Variants in SHANK2 observed in about 807,000 individuals in gnomAD.
The protein encoded by SHANK2 is SH3 and multiple ankyrin repeat domains 2.
SHANK2 carries 43 observed loss-of-function variants against 133.7 expected under a neutral mutation model. The observed-to-expected ratio is 0.32, with a 90% CI of 0.25 to 0.41. The LOEUF is 0.41. SHANK2 is among the 10% of genes least tolerant of loss of function. The pLI, the probability that SHANK2 is intolerant of heterozygous loss-of-function variation, is 1.00. For synonymous variants in SHANK2, 1,017 were observed against 952.8 expected, an observed-to-expected ratio of 1.07 and a Z score of -1.24; for missense variants, 1,994 against 2,235.8, an observed-to-expected ratio of 0.89 and a Z score of 2.18.
chr11:70,511,945 T>C (rs557433126), intron 17 of SHANK2, among the ~76,000 whole-genome samples: 4 of 152,374 alleles, frequency 2.6e-5, no homozygotes, highest in Non-Finnish European at 5.9e-5. Context: ...AGGATTGTCA[T>C]GATGAAACCC....
intron 1 of SHANK2, among the ~76,000 whole-genome samples, chr11:71,236,860 C>T (rs768859980): frequency 1.8e-4 from 28 of 152,216 alleles, no homozygotes; most frequent in Non-Finnish European, 3.5e-4. Context: ...GAGACTCCAT[C>T]TCAAAACAAA....
intron 11 of SHANK2, among the ~76,000 whole-genome samples, chr11:70,876,241 TAG>T (rs1491081554): frequency 0.025 from 374 of 14,868 alleles, 1 homozygote; most frequent in African/African-American, 0.036. Context: ...CACACACATA[TAG>T]ACACACACAC....
chr11:70,526,969 C>A (rs113863724), intron 17 of SHANK2, among the ~76,000 whole-genome samples: 1 of 121,788 alleles, frequency 8.2e-6, no homozygotes, highest in African/African-American at 2.8e-5. Flanking sequence ...CCAACCGCCC[C>A]GCCCAGGTCA....
chr11:70,733,207 A>G (rs1271919434), intron 14 of SHANK2, among the ~76,000 whole-genome samples: 3 of 152,084 alleles, frequency 2.0e-5, no homozygotes, highest in Non-Finnish European at 4.4e-5. Flanking sequence ...GTTTTGCAGG[A>G]TGAGTAGGAG....
Position 71,092,538 on chromosome 11 carries a change from T to A in SHANK2, c.796A>T (p.Thr266Ser), listed in dbSNP as rs1313128451. ...SPDYKDSYGL[T>S]PLYHTAIVGG... ...ACGATGGCTGTGTGATACAGCGGGG[T>A]GAGGCCGTAACTGTCTTTATAATCT... is the stretch of plus-strand genomic sequence containing the variant. Residue 266 changes from threonine to serine, a missense_variant, in exon 8 of 26, where the codon ACC (threonine) becomes TCC (serine). By Grantham distance (58) the Thr-to-Ser change is moderately conservative. Around this residue, in one of 5 missense-constraint regions of SHANK2, gnomAD observed 653 missense variants for 563.4 expected, o/e 1.16. Transcript: ENST00000601538. 2 of 1,551,304 alleles carry A rather than the reference T, an allele frequency of 1.3e-6. No individual in the cohort carries two copies. The highest frequency in any genetic ancestry group is 1.7e-6 in the Non-Finnish European group (2 of 1,146,966).
intron 14 of SHANK2, among the ~76,000 whole-genome samples, chr11:70,717,514 G>T (rs1555027635): frequency 2.6e-5 from 4 of 152,140 alleles, no homozygotes. Context: ...CAGCAAGCAG[G>T]ACACAGTCCC....
chr11:71,220,171 C>T (rs981716065), intron 2 of SHANK2, among the ~76,000 whole-genome samples: 5 of 152,182 alleles, frequency 3.3e-5, no homozygotes, highest in African/African-American at 1.2e-4. Flanking sequence ...GGGAGGCCGA[C>T]GCTGCAGTAA....
intron 2 of SHANK2, among the ~76,000 whole-genome samples, chr11:71,161,565 T>G (rs1159666286): frequency 6.6e-6 from 1 of 152,144 alleles, no homozygotes; most frequent in African/African-American, 2.4e-5. Context: ...ACCCAGACAT[T>G]CCTTTCTATT....
At chr11:70,799,713 C>T (rs1018582003) in intron 13 of SHANK2, among the ~76,000 whole-genome samples, 18 of 152,224 alleles carry the variant, frequency 1.2e-4, no homozygotes, top group Admixed American at 6.5e-4. Flanking sequence ...GGGGACCACG[C>T]ACATCACTGG....
intron 17 of SHANK2, among the ~76,000 whole-genome samples, chr11:70,593,075 G>T (rs1447108340): frequency 6.6e-6 from 1 of 152,312 alleles, no homozygotes; most frequent in African/African-American, 2.4e-5. Context: ...CCCATAGTTC[G>T]GGGAAGGCCT....
chr11:70,863,521 T>C (rs782273428), intron 11 of SHANK2: 1 of 457,944 alleles, frequency 2.2e-6, no homozygotes, highest in South Asian at 1.5e-5. Context: ...GCCCACCTGC[T>C]CCCATGCAAA....
At chr11:70,561,251 T>C (rs2059905438) in intron 17 of SHANK2, among the ~76,000 whole-genome samples, 1 of 152,064 alleles carries the variant, frequency 6.6e-6, no homozygotes, top group Non-Finnish European at 1.5e-5. Flanking sequence ...CCTCTGAGGC[T>C]CAATCAATCT....
chr11:71,163,989 G>A (rs1953085467), intron 2 of SHANK2, among the ~76,000 whole-genome samples: 1 of 152,192 alleles, frequency 6.6e-6, no homozygotes, highest in Non-Finnish European at 1.5e-5. Flanking sequence ...TTCCTAGTTT[G>A]TAGTCTGTCT....
At chr11:70,488,639 A>G (rs2058845547) in intron 24 of SHANK2, among the ~76,000 whole-genome samples, 1 of 152,242 alleles carries the variant, frequency 6.6e-6, no homozygotes, top group South Asian at 2.1e-4. Context: ...TAGGATCCTG[A>G]GCCAGGCCTC....
Position 71,103,588 on chromosome 11 carries a change from T to C in SHANK2, c.592+6353A>G, listed in dbSNP as rs116905129. Among the ~76,000 whole-genome samples the C allele has an allele frequency of 1.2e-3, 178 of 152,296 alleles. 5 individuals carry two copies. In the East Asian group the frequency reaches 0.031, roughly 27 times the overall value. On this transcript the variant is annotated intron_variant, in intron 6 of 25. Transcript: ENST00000601538. ...ATGACAGGAACATTCTGGAACTCTA[T>C]TAAAGGTGACGCATACCCCATACGC...
intron 17 of SHANK2, among the ~76,000 whole-genome samples, chr11:70,636,253 G>A (rs1477711803): frequency 6.6e-6 from 1 of 152,250 alleles, no homozygotes; most frequent in Non-Finnish European, 1.5e-5. Flanking sequence ...GTATGAGCAT[G>A]CGTGTATGCG....
Position 70,879,424 on chromosome 11 carries a change from A to G in SHANK2, c.1174+17077T>C, listed in dbSNP as rs115840833. Among the ~76,000 whole-genome samples the G allele has an allele frequency of 4.8e-3, 730 of 152,346 alleles. 8 individuals carry two copies. Among genetic ancestry groups the G allele is most frequent in the African/African-American group, 0.017 (709 of 41,588 alleles). ...CGATTCTCTGTCTGAATTCGGGCTC[A>G]GCTCAAAAGAGGGTCTCAAATGCAG... On this transcript the variant is annotated intron_variant, in intron 11 of 25. Coordinates refer to ENST00000601538, the MANE Select transcript of SHANK2 (RefSeq NM_012309.5).
At chr11:71,170,870 C>T (rs1272118483) in intron 2 of SHANK2, among the ~76,000 whole-genome samples, 1 of 152,252 alleles carries the variant, frequency 6.6e-6, no homozygotes, top group Non-Finnish European at 1.5e-5. Flanking sequence ...TCCTCGTCCT[C>T]CAGGGATTCC....
intron 11 of SHANK2, among the ~76,000 whole-genome samples, chr11:70,848,518 C>A (rs1949033799): frequency 6.6e-6 from 1 of 152,166 alleles, no homozygotes; most frequent in African/African-American, 2.4e-5. Flanking sequence ...TTATTGCAGG[C>A]CTTACCAGGA....
Sources: gnomAD v4.1 joint callset for allele counts (sites outside exome capture counted in the v4.1 genomes callset) on GRCh38, gnomAD v4.1.1 for gene constraint, gnomAD v4.1.1 regional missense constraint, MANE v1.5 for transcripts, NCBI Gene and HGNC (gene_info 2026-07-23, HGNC 2026-07-21) for gene names.